Variants in NREP observed in about 807,000 individuals in gnomAD.
The protein encoded by NREP is neuronal regeneration related protein, also known as neuronal regeneration-related protein.
NREP carries 5 observed loss-of-function variants against 8.6 expected under a neutral mutation model. The observed-to-expected ratio is 0.58, with a 90% CI of 0.30 to 1.22. NREP has a LOEUF of 1.22. Ranked by LOEUF, NREP falls within the 50% of genes most tolerant of loss-of-function variation. The probability of loss-of-function intolerance (pLI) is 0.07; values close to 1 mark genes in which losing one functional copy is unlikely to be tolerated. For synonymous variants in NREP, 27 were observed against 28.0 expected (o/e 0.96, Z 0.11); for missense variants, 86 against 82.5 (o/e 1.04, Z -0.17).
chr5:111,914,031 A>T (rs1754985194), intron 2 of NREP, among the ~76,000 whole-genome samples: 1 of 152,128 alleles, frequency 6.6e-6, no homozygotes, highest in South Asian at 2.1e-4. Flanking sequence ...GATATGAGTC[A>T]ATTTAGTAGA....
intron 2 of NREP, among the ~76,000 whole-genome samples, chr5:111,954,078 A>T (rs1286200753): frequency 6.6e-6 from 1 of 152,138 alleles, no homozygotes; most frequent in African/African-American, 2.4e-5. Flanking sequence ...TTTAGCTTTC[A>T]GCCAAGCACA....
intron 2 of NREP, among the ~76,000 whole-genome samples, chr5:111,959,549 CTT>C (rs1756425365): frequency 6.6e-6 from 1 of 151,442 alleles, no homozygotes; most frequent in African/African-American, 2.4e-5. Context: ...ATAAAGAAAA[CTT>C]AGTATCCAGA....
chr5:111,848,634 T>C (rs75421607), intron 2 of NREP, among the ~76,000 whole-genome samples: 8,818 of 152,036 alleles, frequency 0.058, 597 homozygotes, highest in East Asian at 0.24. Context: ...TCCTTTACGA[T>C]AGACAATTCC....
intron 2 of NREP, among the ~76,000 whole-genome samples, chr5:111,808,477 C>G (rs1752194546): frequency 6.6e-6 from 1 of 152,250 alleles, no homozygotes; most frequent in Non-Finnish European, 1.5e-5. Flanking sequence ...CAAGTCCCAT[C>G]AGGTTATTCT....
intron 2 of NREP, among the ~76,000 whole-genome samples, chr5:111,902,391 C>G (rs1321029143): frequency 6.6e-6 from 1 of 152,108 alleles, no homozygotes; most frequent in East Asian, 1.9e-4. Context: ...CAGCTGCAAA[C>G]AAGATCAGAA....
chr5:111,845,865 A>AAAAAG (rs1198298114), intron 2 of NREP, among the ~76,000 whole-genome samples: 1 of 151,838 alleles, frequency 6.6e-6, no homozygotes, highest in Non-Finnish European at 1.5e-5. Flanking sequence ...ACCAAAAAAA[A>AAAAAG]AAAAGAAAAG....
At chr5:111,735,365 A>C in intron 3 of NREP, 65 bp downstream of exon 3, 6 of 1,143,808 alleles carry the variant, frequency 5.2e-6, no homozygotes, top group Non-Finnish European at 7.9e-6. Flanking sequence ...AAAAGCTCTG[A>C]TATTTTAAAA....
chr5:111,800,183 C>T (rs1223032989), intron 2 of NREP, among the ~76,000 whole-genome samples: 1 of 152,120 alleles, frequency 6.6e-6, no homozygotes, highest in Non-Finnish European at 1.5e-5. Context: ...CCGCCTCGGC[C>T]TCCCAAAGTG....
chr5:111,808,493 T>G (rs1388667343), intron 2 of NREP, among the ~76,000 whole-genome samples: 1 of 152,204 alleles, frequency 6.6e-6, no homozygotes, highest in African/African-American at 2.4e-5. Flanking sequence ...ATTCTATCAT[T>G]GGAGAATAAC....
rs530360024 is a variant in NREP at position 111,805,926 on chromosome 5, T to C, written c.136-70419A>G. ...AATTGTTGAGAGTATATTTTAAATG[T>C]TCTCATCACAAAAATGTAAACAAAG... On this transcript the variant is annotated intron_variant, in intron 2 of 3. Transcript: ENST00000395634. 2.6e-5 allele frequency among the ~76,000 whole-genome samples: 4 copies of C among 152,224 alleles called. No individual in the cohort carries two copies. In the South Asian group the frequency reaches 6.2e-4, roughly 24 times the overall value.
intron 2 of NREP, among the ~76,000 whole-genome samples, chr5:111,953,579 T>A (rs1756226264): frequency 1.3e-5 from 2 of 152,022 alleles, no homozygotes; most frequent in South Asian, 4.1e-4. Flanking sequence ...TAAGTTTAAG[T>A]AGTGAGAATA....
At chr5:111,828,991 G>A (rs1752696637) in intron 2 of NREP, among the ~76,000 whole-genome samples, 1 of 152,074 alleles carries the variant, frequency 6.6e-6, no homozygotes, top group Non-Finnish European at 1.5e-5. Context: ...ACATTTAGAG[G>A]GGGAGACAGC....
intron 2 of NREP, among the ~76,000 whole-genome samples, chr5:111,891,161 T>C (rs1581196408): frequency 6.6e-6 from 1 of 152,332 alleles, no homozygotes; most frequent in East Asian, 1.9e-4. Context: ...CTTGGCTGCT[T>C]AGAAATTTCT....
chr5:111,878,979 T>G (rs1229747015), intron 2 of NREP, among the ~76,000 whole-genome samples: 2 of 152,230 alleles, frequency 1.3e-5, no homozygotes, highest in Non-Finnish European at 2.9e-5. Flanking sequence ...CCAAGTCTCA[T>G]GTTGAAATGT....
At chr5:111,752,105 A>T (rs1053268086) in intron 2 of NREP, among the ~76,000 whole-genome samples, 2 of 152,308 alleles carry the variant, frequency 1.3e-5, no homozygotes, top group Middle Eastern at 3.4e-3. Context: ...CCTATTTTAG[A>T]AGTAGTCATC....
At chr5:111,817,209 T>A (rs1486656337) in intron 2 of NREP, among the ~76,000 whole-genome samples, 1 of 152,206 alleles carries the variant, frequency 6.6e-6, no homozygotes, top group Non-Finnish European at 1.5e-5. Context: ...CACAATTACG[T>A]TATCTACAAA....
chr5:111,965,390 G>A (rs960378258), intron 2 of NREP, among the ~76,000 whole-genome samples: 4 of 152,134 alleles, frequency 2.6e-5, no homozygotes, highest in Admixed American at 6.5e-5. Flanking sequence ...TTGGCAGGAG[G>A]TTGTATCTTT....
chr5:111,818,510 T>C (rs1186661008), intron 2 of NREP, among the ~76,000 whole-genome samples: 1 of 152,226 alleles, frequency 6.6e-6, no homozygotes, highest in Non-Finnish European at 1.5e-5. Context: ...GGCCAGTGAC[T>C]TTCATTTGTA....
intron 2 of NREP, among the ~76,000 whole-genome samples, chr5:111,844,941 T>C (rs10065022): frequency 2.0e-3 from 298 of 151,934 alleles, no homozygotes; most frequent in African/African-American, 7.0e-3. Context: ...TGAATATAAC[T>C]AATAAATATT....
Sources: gnomAD v4.1 joint callset for allele counts (sites outside exome capture counted in the v4.1 genomes callset) on GRCh38, gnomAD v4.1.1 for gene constraint, MANE v1.5 for transcripts, NCBI Gene and HGNC (gene_info 2026-07-23, HGNC 2026-07-21) for gene names.